SYT14: variants seen among roughly 807,000 people sequenced by gnomAD.
SYT14 encodes synaptotagmin-14.
In SYT14, 32 loss-of-function variants were observed where a neutral mutation model predicts 74.2. That is an observed-to-expected ratio of 0.43 (90% confidence interval 0.33 to 0.58). The LOEUF (loss-of-function observed/expected upper bound fraction) is 0.58, where lower values mean the gene tolerates loss of function less well. Ranked by LOEUF, SYT14 falls within the 20% of genes least tolerant of loss-of-function variation. The pLI is 0.05. For synonymous variants in SYT14, 298 were observed against 337.7 expected, an observed-to-expected ratio of 0.88 and a Z score of 1.29; for missense variants, 791 against 981.8, an observed-to-expected ratio of 0.81 and a Z score of 2.60.
At chr1:210,162,805 C>T (rs1424021504) in exon 10 of SYT14, 1 of 450,996 alleles carries the variant, frequency 2.2e-6, no homozygotes. Flanking sequence ...TGCATTCATA[C>T]ACATGAATTA....
exon 10 of SYT14, chr1:210,167,769 G>A (rs2102743974): frequency 6.6e-6 from 1 of 152,192 alleles, no homozygotes; most frequent in Admixed American, 6.5e-5. Context: ...ATCAAAAAAT[G>A]AATGTAAAAA....
At chr1:210,161,108 T>C in exon 10 of SYT14, 2 of 1,534,864 alleles carry the variant, frequency 1.3e-6, no homozygotes, top group Non-Finnish European at 1.8e-6. Flanking sequence ...TTACTGTTTC[T>C]ACCAAGTCCC....
rs563914187 is a variant in SYT14, at chr1:210,085,195, G to A, written c.1313-9127G>A. 9.2e-5 allele frequency among the ~76,000 whole-genome samples: 14 copies of A among 152,236 alleles called. 2 individuals carry two copies. In the South Asian group the frequency reaches 2.9e-3, roughly 32 times the overall value. ...TTTTTAAAATTTTTGCTTTCTAATT[G>A]ATCGAGTGTAGAAATTCATTTTTTA... On this transcript the variant is annotated intron_variant, in intron 5 of 9. Transcript: ENST00000637265.
At chr1:209,944,434 T>A (rs2078788425) in intron 1 of SYT14, among the ~76,000 whole-genome samples, 1 of 152,186 alleles carries the variant, frequency 6.6e-6, no homozygotes, top group African/African-American at 2.4e-5. Flanking sequence ...ATTGAATAAA[T>A]TCATAGGAAC....
intron 5 of SYT14, among the ~76,000 whole-genome samples, chr1:210,070,242 C>G (rs1253895255): frequency 6.6e-6 from 1 of 152,042 alleles, no homozygotes; most frequent in East Asian, 1.9e-4. Flanking sequence ...GCCTGGATCT[C>G]AAATATGAAA....
In SYT14 at chr1:210,127,469, A is replaced by C. The variant is rs554183388; in HGVS notation, c.2034+27008A>C. On this transcript the variant is annotated intron_variant, in intron 7 of 9. Coordinates refer to ENST00000637265, the Ensembl canonical transcript of SYT14. The stretch of plus-strand genomic sequence containing the variant: ...TCATATACCCATGGCATCTGCCAGA[A>C]AGACTAGAAATGCAAGTGCTGGCAT... Among the ~76,000 whole-genome samples the C allele has an allele frequency of 1.1e-4, 16 of 152,278 alleles. 2 individuals carry two copies. In the South Asian group the frequency reaches 3.3e-3, roughly 32 times the overall value.
At chr1:210,051,472 TATACTC>T (rs1276991358) in intron 5 of SYT14, among the ~76,000 whole-genome samples, 5 of 152,226 alleles carry the variant, frequency 3.3e-5, no homozygotes, top group South Asian at 2.1e-4. Flanking sequence ...AATAAAAACA[TATACTC>T]AGATAAATCC....
chr1:210,003,194 C>G (rs2079932791), intron 2 of SYT14, among the ~76,000 whole-genome samples: 1 of 152,168 alleles, frequency 6.6e-6, no homozygotes, highest in African/African-American at 2.4e-5. Context: ...ACCCACTGCT[C>G]TGCAGCCAAC....
intron 7 of SYT14, among the ~76,000 whole-genome samples, chr1:210,117,500 A>G (rs1429376431): frequency 1.3e-5 from 2 of 152,136 alleles, no homozygotes; most frequent in African/African-American, 4.8e-5. Flanking sequence ...ACAGTTAAAA[A>G]TTACTACATG....
intron 5 of SYT14, among the ~76,000 whole-genome samples, chr1:210,044,473 G>A (rs2080849531): frequency 6.6e-6 from 1 of 152,078 alleles, no homozygotes; most frequent in South Asian, 2.1e-4. Flanking sequence ...AAGCTTATTC[G>A]AAACAGTCTT....
chr1:210,049,695 G>A (rs1003717536), intron 5 of SYT14, among the ~76,000 whole-genome samples: 1 of 152,074 alleles, frequency 6.6e-6, no homozygotes, highest in Non-Finnish European at 1.5e-5. Flanking sequence ...TTGGTTTTCT[G>A]TTCCTGCCCA....
intron 5 of SYT14, among the ~76,000 whole-genome samples, chr1:210,066,711 C>T (rs2102428682): frequency 6.6e-6 from 1 of 152,198 alleles, no homozygotes; most frequent in South Asian, 2.1e-4. Flanking sequence ...TTTTGCTGTG[C>T]AGAAGCTTTT....
intron 7 of SYT14, among the ~76,000 whole-genome samples, chr1:210,102,339 G>A (rs530682663): frequency 1.6e-4 from 24 of 152,088 alleles, no homozygotes; most frequent in African/African-American, 4.6e-4. Flanking sequence ...TCCATCTTCT[G>A]CCCTTTCTCT....
intron 2 of SYT14, among the ~76,000 whole-genome samples, chr1:209,983,741 A>G (rs552623721): frequency 6.6e-6 from 1 of 152,116 alleles, no homozygotes; most frequent in Non-Finnish European, 1.5e-5. Context: ...AAATTCTTTT[A>G]TCTTGAGAAT....
Position 210,139,639 on chromosome 1 carries a change from A to C in SYT14, c.2035-16082A>C, listed in dbSNP as rs550410312. 2.0e-5 allele frequency among the ~76,000 whole-genome samples: 3 copies of C among 152,250 alleles called. No homozygotes were observed. The East Asian group carries it at 5.8e-4, about 29-fold the overall frequency. On this transcript the variant is annotated intron_variant, in intron 7 of 9. Transcript: ENST00000637265. Reference sequence around the variant, plus strand: ...TCCCCGCCACGAAAACTCTGTAGCCATTAGCAATTACACCTCCTGGCAACC... The same window carrying C: ...TCCCCGCCACGAAAACTCTGTAGCCCTTAGCAATTACACCTCCTGGCAACC...
intron 2 of SYT14, among the ~76,000 whole-genome samples, chr1:210,007,325 T>C (rs541512804): frequency 6.6e-6 from 1 of 152,104 alleles, no homozygotes; most frequent in South Asian, 2.1e-4. Flanking sequence ...AGGGAATTCA[T>C]ATAGTGGACG....
chr1:210,069,320 A>G (rs1036795012), intron 5 of SYT14, among the ~76,000 whole-genome samples: 3 of 151,972 alleles, frequency 2.0e-5, no homozygotes, highest in African/African-American at 7.2e-5. Context: ...CATCTGCTGT[A>G]TCTTTCCTAA....
chr1:210,111,098 G>A lies in SYT14; in HGVS notation c.2034+10637G>A, dbSNP rs28451781. ...AAATCCGGTACTAATTTTCACACACGTCTGTGTGAAGAGACCACCAAACAG... is the reference window on the plus strand; with the variant it reads ...AAATCCGGTACTAATTTTCACACACATCTGTGTGAAGAGACCACCAAACAG... On this transcript the variant is annotated intron_variant, in intron 7 of 9. Coordinates refer to ENST00000637265, the Ensembl canonical transcript of SYT14. 4.1e-3 allele frequency among the ~76,000 whole-genome samples: 618 copies of A among 152,264 alleles called. 2 individuals are homozygous for A. The highest frequency in any genetic ancestry group is 0.014 in the African/African-American group (561 of 41,548).
intron 2 of SYT14, among the ~76,000 whole-genome samples, chr1:209,953,508 C>G (rs938554709): frequency 2.6e-5 from 4 of 152,194 alleles, no homozygotes; most frequent in African/African-American, 9.7e-5. Flanking sequence ...CCTCCTGAGT[C>G]TAGCCAACTA....
Sources: gnomAD v4.1 joint callset for allele counts (sites outside exome capture counted in the v4.1 genomes callset) on GRCh38, gnomAD v4.1.1 for gene constraint, MANE v1.5 for transcripts, NCBI Gene and HGNC (gene_info 2026-07-23, HGNC 2026-07-21) for gene names.